ZZZ3: variants seen among roughly 807,000 people sequenced by gnomAD.
The protein encoded by ZZZ3 is ZZ-type zinc finger-containing protein 3.
In ZZZ3, 22 loss-of-function variants were observed where a neutral mutation model predicts 95.2. That is an observed-to-expected ratio of 0.23 (90% confidence interval 0.17 to 0.33). ZZZ3 has a LOEUF of 0.33. Among genes scored for constraint, ZZZ3 ranks in the 10% least tolerant of loss-of-function variants. ZZZ3 has a pLI of 1.00. For missense variants in ZZZ3, 885 were observed against 1,066.5 expected, an observed-to-expected ratio of 0.83 and a Z score of 2.37; for synonymous variants, 335 against 358.9, an observed-to-expected ratio of 0.93 and a Z score of 0.75.
intron 12 of ZZZ3, among the ~76,000 whole-genome samples, chr1:77,573,055 C>T (rs914375448): frequency 1.3e-5 from 2 of 152,168 alleles, no homozygotes; most frequent in African/African-American, 2.4e-5. Flanking sequence ...CACTGAAACT[C>T]TCAATCTAAA....
chr1:77,609,909 T>C (rs548064005), intron 5 of ZZZ3, among the ~76,000 whole-genome samples: 1 of 152,130 alleles, frequency 6.6e-6, no homozygotes, highest in South Asian at 2.1e-4. Context: ...GGGAAGTTTA[T>C]AGGTATCAGT....
chr1:77,587,585 G>T (rs995727511), intron 5 of ZZZ3, among the ~76,000 whole-genome samples: 17 of 152,148 alleles, frequency 1.1e-4, no homozygotes, highest in African/African-American at 3.9e-4. Context: ...ATTAATGGGG[G>T]AGGTGCCGAC....
intron 12 of ZZZ3, among the ~76,000 whole-genome samples, chr1:77,571,015 G>A (rs985844649): frequency 6.6e-6 from 1 of 151,796 alleles, no homozygotes. Context: ...TTTGATGATT[G>A]TTATTACCAT....
intron 12 of ZZZ3, among the ~76,000 whole-genome samples, chr1:77,571,772 C>G (rs1411474415): frequency 6.6e-6 from 1 of 152,028 alleles, no homozygotes; most frequent in Admixed American, 6.6e-5. Flanking sequence ...CTGCCAGAGG[C>G]TAGAAAAAGG....
intron 1 of ZZZ3, among the ~76,000 whole-genome samples, chr1:77,660,996 C>G (rs1316530033): frequency 6.6e-6 from 1 of 150,744 alleles, no homozygotes; most frequent in African/African-American, 2.4e-5. Context: ...CTAATTTACT[C>G]TAAGTGCATT....
chr1:77,583,415 A>G (rs1357177017), intron 6 of ZZZ3, among the ~76,000 whole-genome samples: 1 of 152,176 alleles, frequency 6.6e-6, no homozygotes, highest in Non-Finnish European at 1.5e-5. Context: ...CAGAATCAAT[A>G]AACACTTAAA....
intron 1 of ZZZ3, among the ~76,000 whole-genome samples, chr1:77,676,227 C>T (rs543814679): frequency 4.6e-5 from 7 of 152,206 alleles, no homozygotes; most frequent in South Asian, 2.1e-4. Flanking sequence ...AGTGTAGGGG[C>T]GCAATCTGGG....
rs1011933644 is a variant in ZZZ3 at position 77,565,388 on chromosome 1, G to C, written c.*252C>G. The C allele has an allele frequency of 5.2e-6, 2 of 385,488 alleles. No individual in the cohort carries two copies. Among genetic ancestry groups the C allele is most frequent in the African/African-American group, 4.2e-5 (2 of 47,958 alleles). The allele number at this position is 385,488 out of a possible 1,614,324, so 23.9% of individuals were successfully genotyped here. On this transcript the variant is annotated 3_prime_UTR_variant, in exon 15 of 15. Coordinates refer to ENST00000370801, the MANE Select transcript of ZZZ3 (RefSeq NM_015534.6). ...CTCTCGTTCCATCTCACCCATTTAA[G>C]ATCACCACCTAAAACGCAGTGGTGA...
intron 1 of ZZZ3, among the ~76,000 whole-genome samples, chr1:77,646,897 T>G (rs2100938010): frequency 6.6e-6 from 1 of 152,142 alleles, no homozygotes; most frequent in East Asian, 1.9e-4. Flanking sequence ...GAGGCCAAGG[T>G]AGCTACAGTC....
intron 12 of ZZZ3, among the ~76,000 whole-genome samples, chr1:77,571,006 T>C (rs952773764): frequency 7.2e-5 from 11 of 152,036 alleles, no homozygotes; most frequent in African/African-American, 2.7e-4. Context: ...CTAAAGATGT[T>C]TGATGATTGT....
intron 12 of ZZZ3, among the ~76,000 whole-genome samples, chr1:77,568,995 A>G (rs1570386922): frequency 6.6e-6 from 1 of 152,210 alleles, no homozygotes; most frequent in Non-Finnish European, 1.5e-5. Context: ...TACAAAGACG[A>G]CTATTTAGAA....
At chr1:77,676,827 T>A (rs1240057334) in intron 1 of ZZZ3, among the ~76,000 whole-genome samples, 1 of 151,526 alleles carries the variant, frequency 6.6e-6, no homozygotes, top group East Asian at 1.9e-4. Flanking sequence ...ATGAGAAAAA[T>A]TAAAAAATTA....
chr1:77,589,474 CT>C (rs1663449788), intron 5 of ZZZ3, among the ~76,000 whole-genome samples: 1 of 151,596 alleles, frequency 6.6e-6, no homozygotes, highest in Admixed American at 6.6e-5. Flanking sequence ...GAGTCTCACG[CT>C]CACCCAGGTT....
chr1:77,604,913 T>G (rs1665081053), intron 5 of ZZZ3, among the ~76,000 whole-genome samples: 1 of 152,008 alleles, frequency 6.6e-6, no homozygotes, highest in Non-Finnish European at 1.5e-5. Context: ...AACTGCAAAG[T>G]GTAGGAGAAA....
chr1:77,588,613 A>G (rs551913883), intron 5 of ZZZ3, among the ~76,000 whole-genome samples: 2 of 152,324 alleles, frequency 1.3e-5, no homozygotes, highest in African/African-American at 4.8e-5. Context: ...AGATATTTAA[A>G]AGAAATTCAA....
At chr1:77,581,484 A>G (rs1662517505) in intron 8 of ZZZ3, among the ~76,000 whole-genome samples, 1 of 152,204 alleles carries the variant, frequency 6.6e-6, no homozygotes, top group African/African-American at 2.4e-5. Flanking sequence ...TACTAGGCAC[A>G]TTGCATATAC....
chr1:77,601,069 A>G (rs952457109), intron 5 of ZZZ3, among the ~76,000 whole-genome samples: 8 of 152,222 alleles, frequency 5.3e-5, no homozygotes, highest in African/African-American at 1.7e-4. Flanking sequence ...AGCTGTTGTG[A>G]TAATCCAAGA....
chr1:77,663,852 C>T (rs947802696), intron 1 of ZZZ3, among the ~76,000 whole-genome samples: 3 of 151,796 alleles, frequency 2.0e-5, no homozygotes, highest in African/African-American at 4.8e-5. Context: ...CGGGTTCAAG[C>T]GATTCTCCTG....
In ZZZ3 at chr1:77,576,189, T is replaced by C. The variant is rs1661921183; in HGVS notation, c.2210A>G (p.Asn737Ser). ...SSTSRRQHPL[N>S]KHLFKPSTFM... is the part of the protein sequence containing the mutation. ...AGTGGAAGGCTTAAAGAGATGCTTA[T>C]TAAGAGGGTGCTGTCGTCTGCTTGT... Residue 737 changes from asparagine (N) to serine (S), a missense_variant, in exon 12 of 15, where the codon AAT (asparagine) becomes AGT (serine). Coordinates refer to ENST00000370801, the MANE Select transcript of ZZZ3 (RefSeq NM_015534.6). 6.2e-7 allele frequency: 1 copy of C among 1,610,724 alleles called. No individual in the cohort carries two copies. The highest frequency in any genetic ancestry group is 1.3e-5 in the African/African-American group (1 of 74,786).
Sources: allele counts gnomAD v4.1 joint callset (sites outside exome capture counted in the v4.1 genomes callset), GRCh38; gene constraint gnomAD v4.1.1; transcripts MANE v1.5; gene names NCBI Gene and HGNC (gene_info 2026-07-23, HGNC 2026-07-21).